AFF3: variants seen among roughly 807,000 people sequenced by gnomAD.
The protein encoded by AFF3 is AF4/FMR2 family member 3.
Under a neutral mutation model 129.7 loss-of-function variants are expected in AFF3, and 32 were observed. That is an observed-to-expected ratio of 0.25 (90% CI 0.19 to 0.33). AFF3 has a LOEUF of 0.33. Among genes scored for constraint, AFF3 ranks in the 10% least tolerant of loss-of-function variants. The pLI is 1.00. For missense variants in AFF3, 1,373 were observed against 1,592.0 expected (o/e 0.86, Z 2.34); for synonymous variants, 644 against 635.4 (o/e 1.01, Z -0.20).
chr2:99,809,315 T>A (rs1686608484), intron 8 of AFF3, among the ~76,000 whole-genome samples: 2 of 152,182 alleles, frequency 1.3e-5, no homozygotes, highest in South Asian at 4.1e-4. Context: ...GGCACCCAGC[T>A]CTCAGGGTCT....
At chr2:99,556,952 T>C (rs1390104488) in intron 22 of AFF3, among the ~76,000 whole-genome samples, 1 of 151,956 alleles carries the variant, frequency 6.6e-6, no homozygotes, top group South Asian at 2.1e-4. Context: ...TGTATCCAAG[T>C]TTCAGTTATC....
At chr2:100,056,688 AG>A (rs1485522087) in intron 4 of AFF3, among the ~76,000 whole-genome samples, 1 of 152,222 alleles carries the variant, frequency 6.6e-6, no homozygotes, top group Non-Finnish European at 1.5e-5. Context: ...TCAAAATAGA[AG>A]TTGAGCAGTT....
intron 2 of AFF3, among the ~76,000 whole-genome samples, chr2:100,126,480 G>A (rs754990602): frequency 3.9e-5 from 6 of 152,142 alleles, no homozygotes; most frequent in Admixed American, 1.3e-4. Context: ...GATTAGGCTT[G>A]GTGCTCTGGG....
chr2:99,818,188 A>T (rs1687389732), intron 8 of AFF3, among the ~76,000 whole-genome samples: 1 of 152,218 alleles, frequency 6.6e-6, no homozygotes, highest in African/African-American at 2.4e-5. Context: ...TTATTGTAGC[A>T]TTTAGGATTT....
At chr2:99,957,178 T>TGTGC (rs1210160137) in intron 7 of AFF3, among the ~76,000 whole-genome samples, 6 of 144,346 alleles carry the variant, frequency 4.2e-5, no homozygotes, top group East Asian at 3.9e-4. Flanking sequence ...TACGTGTGTG[T>TGTGC]GTGCGTGTGT....
intron 2 of AFF3, among the ~76,000 whole-genome samples, chr2:100,109,668 C>A (rs1042070234): frequency 4.6e-5 from 7 of 152,160 alleles, no homozygotes; most frequent in Admixed American, 4.6e-4. Context: ...CATAACTAAT[C>A]GTATCATTAG....
chr2:99,799,068 C>T (rs1436530327), intron 8 of AFF3, among the ~76,000 whole-genome samples: 1 of 151,852 alleles, frequency 6.6e-6, no homozygotes, highest in Non-Finnish European at 1.5e-5. Flanking sequence ...TATCTATATG[C>T]CAGCAACTAG....
intron 22 of AFF3, among the ~76,000 whole-genome samples, chr2:99,557,737 C>G (rs941342179): frequency 1.3e-5 from 2 of 152,164 alleles, no homozygotes; most frequent in African/African-American, 4.8e-5. Flanking sequence ...CATGGCCTAG[C>G]ACCTGGTTAC....
intron 4 of AFF3, among the ~76,000 whole-genome samples, chr2:100,090,291 T>G: frequency 6.6e-6 from 1 of 151,704 alleles, no homozygotes; most frequent in Non-Finnish European, 1.5e-5. Context: ...CCATCATTAT[T>G]GTTATTAATG....
intron 7 of AFF3, among the ~76,000 whole-genome samples, chr2:99,891,452 C>T (rs911551826): frequency 6.6e-6 from 1 of 152,106 alleles, no homozygotes; most frequent in Non-Finnish European, 1.5e-5. Flanking sequence ...AGTAAAGAAG[C>T]GAACAAGGAG....
At chr2:99,988,061 G>A (rs891709998) in intron 7 of AFF3, among the ~76,000 whole-genome samples, 2 of 152,154 alleles carry the variant, frequency 1.3e-5, no homozygotes, top group African/African-American at 4.8e-5. Flanking sequence ...AGCTATGTGA[G>A]CCGACTGAAA....
intron 11 of AFF3, among the ~76,000 whole-genome samples, chr2:99,697,247 G>C (rs1027689632): frequency 6.6e-6 from 1 of 152,228 alleles, no homozygotes; most frequent in African/African-American, 2.4e-5. Flanking sequence ...AATGCCACAT[G>C]GAGTCCTGCC....
intron 10 of AFF3, among the ~76,000 whole-genome samples, chr2:99,742,912 G>A (rs1222606246): frequency 3.9e-5 from 6 of 152,206 alleles, no homozygotes; most frequent in Non-Finnish European, 1.5e-5. Context: ...TTATTCATCT[G>A]TGGGATTCCC....
intron 3 of AFF3, chr2:100,104,873 G>T: frequency 2.6e-6 from 1 of 389,024 alleles, no homozygotes; most frequent in Non-Finnish European, 3.4e-6. Flanking sequence ...GGAGGCGCGT[G>T]TGCGCGGGCG....
At chr2:99,997,894 C>T (rs1163575667) in intron 7 of AFF3, among the ~76,000 whole-genome samples, 2 of 152,212 alleles carry the variant, frequency 1.3e-5, no homozygotes, top group African/African-American at 4.8e-5. Flanking sequence ...ATCTCAATGT[C>T]TCAGTGCAGT....
intron 7 of AFF3, among the ~76,000 whole-genome samples, chr2:99,975,196 G>A (rs1576463270): frequency 1.3e-5 from 2 of 152,324 alleles, no homozygotes; most frequent in Non-Finnish European, 2.9e-5. Flanking sequence ...CATTGGGCAA[G>A]TGAGGGATAC....
chr2:99,789,819 T>A (rs1353279859), intron 8 of AFF3, among the ~76,000 whole-genome samples: 1 of 152,160 alleles, frequency 6.6e-6, no homozygotes, highest in Non-Finnish European at 1.5e-5. Flanking sequence ...AAAATAAACA[T>A]CAGTGGCATA....
At chr2:100,138,164 A>T (rs1008274914) in intron 1 of AFF3, among the ~76,000 whole-genome samples, 2 of 152,158 alleles carry the variant, frequency 1.3e-5, no homozygotes, top group Non-Finnish European at 2.9e-5. Flanking sequence ...TTACCACCGC[A>T]GTCTTCCTTC....
chr2:99,551,682 T>A, intron 24 of AFF3, 87 bp from the exon 25 acceptor site: 1 of 1,525,498 alleles, frequency 6.6e-7, no homozygotes, highest in Non-Finnish European at 9.0e-7. Flanking sequence ...ATTCCATTCA[T>A]GGTCTCTATA....
Sources: gnomAD v4.1 joint callset for allele counts (sites outside exome capture counted in the v4.1 genomes callset) on GRCh38, gnomAD v4.1.1 for gene constraint, MANE v1.5 for transcripts, NCBI Gene and HGNC (gene_info 2026-07-23, HGNC 2026-07-21) for gene names.